Variants in CADPS2 observed in about 807,000 individuals in gnomAD.
The protein encoded by CADPS2 is calcium-dependent secretion activator 2.
In CADPS2, 93 loss-of-function variants were observed where a neutral mutation model predicts 172.5. The ratio of observed to expected loss-of-function variants is 0.54; its 90% CI spans 0.46 to 0.64. CADPS2 has a LOEUF of 0.64. CADPS2 is among the 30% of genes least tolerant of loss of function. CADPS2 has a pLI of 0.00. For missense variants in CADPS2, 1,420 were observed against 1,565.9 expected, an observed-to-expected ratio of 0.91 and a Z score of 1.57; for synonymous variants, 546 against 555.2, an observed-to-expected ratio of 0.98 and a Z score of 0.23.
At chr7:122,534,596 C>A (rs913094582) in intron 8 of CADPS2, among the ~76,000 whole-genome samples, 1 of 151,994 alleles carries the variant, frequency 6.6e-6, no homozygotes, top group Non-Finnish European at 1.5e-5. Flanking sequence ...TAACTCAAGA[C>A]CCTAATATTT....
At chr7:122,694,648 G>A (rs1269569832) in intron 2 of CADPS2, among the ~76,000 whole-genome samples, 1 of 152,076 alleles carries the variant, frequency 6.6e-6, no homozygotes, top group African/African-American at 2.4e-5. Context: ...TTTTTCTAAA[G>A]TACACTCCCT....
chr7:122,716,781 C>T (rs1457250375), intron 2 of CADPS2, among the ~76,000 whole-genome samples: 1 of 151,962 alleles, frequency 6.6e-6, no homozygotes, highest in Non-Finnish European at 1.5e-5. Flanking sequence ...AGGTAGAGTG[C>T]GACCAAGGGG....
intron 6 of CADPS2, among the ~76,000 whole-genome samples, chr7:122,584,718 C>T (rs1326342609): frequency 6.6e-6 from 1 of 152,018 alleles, no homozygotes; most frequent in Non-Finnish European, 1.5e-5. Context: ...ACTTTAACTA[C>T]AGCACCCCAT....
intron 17 of CADPS2, among the ~76,000 whole-genome samples, chr7:122,433,244 G>T (rs182673285): frequency 1.8e-4 from 27 of 151,312 alleles, no homozygotes; most frequent in Non-Finnish European, 3.4e-4. Context: ...GCCTCCCAAA[G>T]TTCTGGGATC....
intron 2 of CADPS2, chr7:122,699,156 T>A: frequency 2.2e-6 from 1 of 445,348 alleles, no homozygotes; most frequent in Non-Finnish European, 4.0e-6. Flanking sequence ...AGATACTGCT[T>A]ACTATTGTGT....
At chr7:122,689,170 T>C (rs1171458362) in intron 2 of CADPS2, among the ~76,000 whole-genome samples, 2 of 152,170 alleles carry the variant, frequency 1.3e-5, no homozygotes, top group African/African-American at 2.4e-5. Context: ...AGCCCAGAGA[T>C]GCCCACCATC....
At chr7:122,402,572 A>G (rs1328453857) in intron 20 of CADPS2, among the ~76,000 whole-genome samples, 1 of 152,218 alleles carries the variant, frequency 6.6e-6, no homozygotes, top group East Asian at 1.9e-4. Context: ...CGACTGAATT[A>G]TTCATGAACC....
intron 1 of CADPS2, among the ~76,000 whole-genome samples, chr7:122,794,165 A>C (rs1795875270): frequency 6.6e-6 from 1 of 152,030 alleles, no homozygotes; most frequent in Non-Finnish European, 1.5e-5. Flanking sequence ...AGATTGGGGA[A>C]GTTCTCATGG....
At chr7:122,522,382 T>C (rs747078652) in intron 8 of CADPS2, among the ~76,000 whole-genome samples, 13 of 152,108 alleles carry the variant, frequency 8.5e-5, no homozygotes, top group Non-Finnish European at 1.3e-4. Context: ...CCCAAAGTGC[T>C]GGGATTACAG....
chr7:122,532,507 C>T (rs1354558136), intron 8 of CADPS2, among the ~76,000 whole-genome samples: 1 of 152,038 alleles, frequency 6.6e-6, no homozygotes, highest in African/African-American at 2.4e-5. Context: ...TGAATATACA[C>T]ACTGCCGCAC....
At chr7:122,823,395 G>A (rs1168459629) in intron 1 of CADPS2, among the ~76,000 whole-genome samples, 1 of 152,108 alleles carries the variant, frequency 6.6e-6, no homozygotes, top group Non-Finnish European at 1.5e-5. Flanking sequence ...TAACATAAGT[G>A]AATCTCTCTC....
At chr7:122,714,463 G>A (rs974952761) in intron 2 of CADPS2, among the ~76,000 whole-genome samples, 1 of 151,752 alleles carries the variant, frequency 6.6e-6, no homozygotes, top group Non-Finnish European at 1.5e-5. Context: ...TTCTTTTAAT[G>A]TTTTACTATC....
intron 6 of CADPS2, among the ~76,000 whole-genome samples, chr7:122,608,785 T>A (rs2073927752): frequency 6.6e-6 from 1 of 152,172 alleles, no homozygotes; most frequent in African/African-American, 2.4e-5. Context: ...CTGGTGTTTT[T>A]ATTTTTTTCT....
intron 2 of CADPS2, among the ~76,000 whole-genome samples, chr7:122,708,553 A>C (rs1291370643): frequency 1.0e-4 from 3 of 29,444 alleles, no homozygotes; most frequent in African/African-American, 3.4e-4. Context: ...ATATATATAT[A>C]TATATATATA....
intron 1 of CADPS2, among the ~76,000 whole-genome samples, chr7:122,791,129 G>A (rs768542712): frequency 5.9e-5 from 9 of 152,092 alleles, no homozygotes; most frequent in Non-Finnish European, 1.3e-4. Context: ...TTGTATCAAC[G>A]GCGCGAGGAA....
At chr7:122,679,488 G>A (rs1045708335) in intron 2 of CADPS2, among the ~76,000 whole-genome samples, 3 of 152,108 alleles carry the variant, frequency 2.0e-5, no homozygotes, top group Non-Finnish European at 4.4e-5. Context: ...GTTCATTAGT[G>A]ATTCTAGTTT....
At chr7:122,861,907 T>G (rs1817048871) in intron 1 of CADPS2, among the ~76,000 whole-genome samples, 1 of 152,212 alleles carries the variant, frequency 6.6e-6, no homozygotes, top group African/African-American at 2.4e-5. Context: ...GAGTAATACC[T>G]TCAAAGTTCT....
In CADPS2 at chr7:122,351,055, G is replaced by C. The variant is rs566316107; in HGVS notation, c.3505-5374C>G. Among the ~76,000 whole-genome samples, 5 of 151,470 alleles carry C rather than the reference G, an allele frequency of 3.3e-5. No individual in the cohort carries two copies. In the South Asian group the frequency reaches 1.0e-3, roughly 32 times the overall value. ...TTAAAAATAGATTTTTAAAAACCAT[G>C]AATGAAAAAAAATCTCATTGTTATT... On this transcript the variant is annotated intron_variant, in intron 27 of 29. Coordinates refer to ENST00000449022, the MANE Select transcript of CADPS2 (RefSeq NM_017954.11).
chr7:122,339,014 CGTT>C (rs2036353322), intron 28 of CADPS2: 2 of 151,158 alleles, frequency 1.3e-5, no homozygotes, highest in African/African-American at 4.9e-5. Flanking sequence ...ATCATTCTCA[CGTT>C]GACCTCTTGA....
Sources: gnomAD v4.1 joint callset for allele counts (sites outside exome capture counted in the v4.1 genomes callset) on GRCh38, gnomAD v4.1.1 for gene constraint, MANE v1.5 for transcripts, NCBI Gene and HGNC (gene_info 2026-07-23, HGNC 2026-07-21) for gene names.